Variants in TUBGCP3 observed in about 807,000 individuals in gnomAD.
The protein encoded by TUBGCP3 is gamma-tubulin complex component 3.
Under a neutral mutation model 123.1 loss-of-function variants are expected in TUBGCP3, and 50 were observed. That is an observed-to-expected ratio of 0.41 (90% CI 0.32 to 0.51). The LOEUF (loss-of-function observed/expected upper bound fraction) is 0.51, where lower values mean the gene tolerates loss of function less well. Among genes scored for constraint, TUBGCP3 ranks in the 20% least tolerant of loss-of-function variants. The pLI is 0.36. For synonymous variants in TUBGCP3, 405 were observed against 413.9 expected, an observed-to-expected ratio of 0.98 and a Z score of 0.26; for missense variants, 882 against 1,127.0, an observed-to-expected ratio of 0.78 and a Z score of 3.11.
chr13:112,507,741 A>G (rs867587222), intron 17 of TUBGCP3, among the ~76,000 whole-genome samples: 1 of 152,164 alleles, frequency 6.6e-6, no homozygotes, highest in African/African-American at 2.4e-5. Context: ...CATGGCACGA[A>G]TATGCTTTTG....
intron 19 of TUBGCP3, among the ~76,000 whole-genome samples, chr13:112,500,706 T>C (rs567696987): frequency 1.8e-4 from 27 of 152,170 alleles, no homozygotes; most frequent in African/African-American, 6.5e-4. Flanking sequence ...CACAATACAG[T>C]TGATTTGGGG....
At chr13:112,555,975 G>C (rs973833475) in intron 6 of TUBGCP3, 77 bp downstream of exon 6, 4 of 1,497,868 alleles carry the variant, frequency 2.7e-6, no homozygotes, top group Admixed American at 1.8e-5. Flanking sequence ...GGGGCTCCTG[G>C]GCTGTACTTT....
intron 7 of TUBGCP3, 150 bp from the exon 8 acceptor site, chr13:112,554,332 G>T: frequency 1.0e-6 from 1 of 971,906 alleles, no homozygotes. Context: ...CTAAAGGGAA[G>T]GAAAGCACAT....
intron 1 of TUBGCP3, among the ~76,000 whole-genome samples, chr13:112,569,575 G>A (rs535529973): frequency 9.2e-5 from 14 of 152,246 alleles, no homozygotes; most frequent in African/African-American, 3.1e-4. Flanking sequence ...TGAACAAGAA[G>A]AGGAGGCCGG....
chr13:112,486,216 G>A lies in TUBGCP3; in HGVS notation c.2566-65C>T, dbSNP rs908527301. On this transcript the variant is annotated intron_variant, in intron 21 of 21. Transcript: ENST00000261965. ...AGAACAACCCACAAACGTATTCCCCGGACCTTAATCTCCTTTGGGTTGGGT... is the reference window on the plus strand; with the variant it reads ...AGAACAACCCACAAACGTATTCCCCAGACCTTAATCTCCTTTGGGTTGGGT... 4.4e-5 allele frequency: 70 copies of A among 1,578,994 alleles called. 1 individual carries two copies. Among genetic ancestry groups the A allele is most frequent in the South Asian group, 3.6e-4 (31 of 86,324 alleles).
intron 1 of TUBGCP3, 82 bp downstream of exon 1, chr13:112,587,823 C>T (rs1882729385): frequency 1.6e-6 from 2 of 1,279,974 alleles, no homozygotes; most frequent in South Asian, 1.4e-5. Context: ...GTTCCTCCAG[C>T]CCCGGAACGT....
At chr13:112,540,879 A>G (rs886169364) in intron 11 of TUBGCP3, among the ~76,000 whole-genome samples, 6 of 152,226 alleles carry the variant, frequency 3.9e-5, no homozygotes, top group African/African-American at 1.4e-4. Context: ...ATAATTTGAG[A>G]TGCTGATTTG....
Position 112,519,709 on chromosome 13 carries a change from ATGTGCTGACCAGGCAG to A in TUBGCP3, c.1881+161_1881+176del, listed in dbSNP as rs1431542723. 1.3e-5 allele frequency among the ~76,000 whole-genome samples: 2 copies of A among 152,250 alleles called. No homozygotes were observed. The highest frequency in any genetic ancestry group is 4.8e-5 in the African/African-American group (2 of 41,468). On this transcript the variant is annotated intron_variant, in intron 15 of 21. Coordinates refer to ENST00000261965, the MANE Select transcript of TUBGCP3 (RefSeq NM_006322.6). The surrounding 1 kb of genome is among the most constrained non-coding windows in gnomAD (Gnocchi z 6.2). ...AACCCAGATGGTGGAGAGGGAGCAGATGTGCTGACCAGGCAGTAACAAGCCACAGAGTGGAGTTCCT... is the reference window on the plus strand; with the variant it reads ...AACCCAGATGGTGGAGAGGGAGCAGATAACAAGCCACAGAGTGGAGTTCCT...
the TUBGCP3 span, among the ~76,000 whole-genome samples, chr13:112,601,011 A>G: frequency 6.6e-6 from 1 of 152,010 alleles, no homozygotes; most frequent in Non-Finnish European, 1.5e-5. Flanking sequence ...AACATGGCGA[A>G]ACCCCGTCTC....
intron 5 of TUBGCP3, among the ~76,000 whole-genome samples, chr13:112,557,813 A>G (rs1880168636): frequency 6.6e-6 from 1 of 152,254 alleles, no homozygotes; most frequent in South Asian, 2.1e-4. Context: ...ACAATTTACT[A>G]AAGAATCCAA....
intron 17 of TUBGCP3, among the ~76,000 whole-genome samples, chr13:112,510,640 T>C (rs920595775): frequency 5.3e-5 from 8 of 152,180 alleles, no homozygotes; most frequent in Non-Finnish European, 8.8e-5. Flanking sequence ...CCAAGTACTT[T>C]CACTCAGACT....
chr13:112,562,004 G>A (rs17121258), intron 3 of TUBGCP3, among the ~76,000 whole-genome samples: 3,042 of 152,244 alleles, frequency 0.02, 71 homozygotes, highest in East Asian at 0.099. Flanking sequence ...AGGTGTGGAC[G>A]GAAACAGGGA....
intron 17 of TUBGCP3, among the ~76,000 whole-genome samples, chr13:112,507,272 A>G (rs1881369734): frequency 6.6e-6 from 1 of 152,196 alleles, no homozygotes; most frequent in Non-Finnish European, 1.5e-5. Flanking sequence ...CCCCAGGTAC[A>G]TGCTCAGTGT....
At chr13:112,576,585 TAC>T (rs1409950980) in intron 1 of TUBGCP3, among the ~76,000 whole-genome samples, 1 of 152,104 alleles carries the variant, frequency 6.6e-6, no homozygotes. Flanking sequence ...TCACAATCCA[TAC>T]ATACATCAAA....
the TUBGCP3 span, among the ~76,000 whole-genome samples, chr13:112,598,210 T>C: frequency 0.12 from 17,537 of 151,814 alleles, 2,403 homozygotes; most frequent in African/African-American, 0.32. Context: ...AGCCTAAATA[T>C]ATTTTACAAA....
intron 1 of TUBGCP3, chr13:112,584,140 G>A (rs1882451407): frequency 6.6e-6 from 1 of 152,158 alleles, no homozygotes; most frequent in African/African-American, 2.4e-5. Context: ...CCAATGCATG[G>A]CTCTAGTTGA....
chr13:112,553,223 AC>A (rs1879737186), intron 8 of TUBGCP3, among the ~76,000 whole-genome samples: 2 of 147,996 alleles, frequency 1.4e-5, no homozygotes, highest in Admixed American at 1.3e-4. Context: ...GTTCCTGCCC[AC>A]CAGCCACACT....
chr13:112,549,358 T>G (rs968038509), intron 8 of TUBGCP3, among the ~76,000 whole-genome samples: 1 of 151,706 alleles, frequency 6.6e-6, no homozygotes, highest in African/African-American at 2.4e-5. Context: ...CGGGGAGGGA[T>G]GGCATTAGGA....
At chr13:112,498,750 G>C (rs1463824835) in intron 20 of TUBGCP3, 1 of 1,516,446 alleles carries the variant, frequency 6.6e-7, no homozygotes, top group African/African-American at 1.4e-5. Context: ...TGGAGATTCC[G>C]ACGGGTGACA....
Sources: gnomAD v4.1 joint callset for allele counts (sites outside exome capture counted in the v4.1 genomes callset) on GRCh38, gnomAD v4.1.1 for gene constraint, Gnocchi (gnomAD v3.1) non-coding constraint, MANE v1.5 for transcripts, NCBI Gene and HGNC (gene_info 2026-07-23, HGNC 2026-07-21) for gene names.